Variants in STAT1 observed in about 807,000 individuals in gnomAD.
The protein encoded by STAT1 is signal transducer and activator of transcription 1, also known as signal transducer and activator of transcription 1-alpha/beta.
Under a neutral mutation model 111.7 loss-of-function variants are expected in STAT1, and 24 were observed. That is an observed-to-expected ratio of 0.21 (90% CI 0.16 to 0.30). STAT1 has a LOEUF of 0.30. Ranked by LOEUF, STAT1 falls within the 10% of genes least tolerant of loss-of-function variation. The pLI, the probability that STAT1 is intolerant of heterozygous loss-of-function variation, is 1.00. For missense variants in STAT1, 351 were observed against 911.9 expected (o/e 0.38, Z 7.92); for synonymous variants, 332 against 326.5 (o/e 1.02, Z -0.18).
intron 10 of STAT1, chr2:190,992,883 G>A: frequency 7.2e-6 from 2 of 277,352 alleles, no homozygotes; most frequent in Non-Finnish European, 1.3e-5. Flanking sequence ...TCCGCCACCT[G>A]GGTTCGAGCA....
chr2:191,010,262 TG>T, intron 2 of STAT1: 1 of 501,366 alleles, frequency 2.0e-6, no homozygotes, highest in Non-Finnish European at 3.9e-6. Context: ...CAGCCTTCTC[TG>T]GCCTCTTTTA....
rs1692299779 is a variant in STAT1, at chr2:190,980,587, A to G, written c.1632+33T>C. 1.9e-6 allele frequency: 3 copies of G among 1,610,802 alleles called. No homozygotes were observed. The highest frequency in any genetic ancestry group is 2.5e-6 in the Non-Finnish European group (3 of 1,176,918). ...AGAACCTCAACCAAGAGCAAAAAGG[A>G]CTTAGAGAGCATAAAACCCAGACAG... is the stretch of plus-strand genomic sequence containing the variant. On this transcript the variant is annotated intron_variant, in intron 19 of 24. Coordinates refer to ENST00000361099, the MANE Select transcript of STAT1 (RefSeq NM_007315.4). This position sits in a 1 kb window ranked among gnomAD's most constrained non-coding sequence, Gnocchi z 6.1.
rs1350067280 is a variant in STAT1, at chr2:190,977,195, ATAC to A, written c.1874-173_1874-171del. ...CTGCTTTATTTCTAAATAAATTATA[ATAC>A]TGTCTCAGGGAAAATAAAGGGAGGT... On this transcript the variant is annotated intron_variant, in intron 21 of 24. Coordinates refer to ENST00000361099, the MANE Select transcript of STAT1 (RefSeq NM_007315.4). The surrounding 1 kb of genome is among the most constrained non-coding windows in gnomAD (Gnocchi z 4.7). Among the ~76,000 whole-genome samples, 1 of 152,222 alleles carries A rather than the reference ATAC, an allele frequency of 6.6e-6. No homozygotes were observed. The highest frequency in any genetic ancestry group is 1.5e-5 in the Non-Finnish European group (1 of 68,048).
At position 191,006,273 on chromosome 2, in the gene STAT1, T is replaced by G. The variant is rs1694686822; in HGVS notation, c.372+1290A>C. Among the ~76,000 whole-genome samples, 1 of 152,208 alleles carries G rather than the reference T, an allele frequency of 6.6e-6. No homozygotes were observed. Among genetic ancestry groups the G allele is most frequent in the African/African-American group, 2.4e-5 (1 of 41,458 alleles). On this transcript the variant is annotated intron_variant, in intron 5 of 24. Transcript: ENST00000361099. This position sits in a 1 kb window ranked among gnomAD's most constrained non-coding sequence, Gnocchi z 4.6. ...GCCAGGTTAGAGACAGGCACACCTC[T>G]TTCAGAGGAGACAACCTGGCCAGCT...
Position 190,978,681 on chromosome 2 carries a change from C to T in STAT1, c.1873+175G>A. The T allele has an allele frequency of 1.2e-6, 1 of 807,324 alleles. No individual in the cohort carries two copies. Among genetic ancestry groups the T allele is most frequent in the Non-Finnish European group, 2.0e-6 (1 of 495,912 alleles). 50.0% of individuals were successfully genotyped at this position (807,324 alleles called of 1,614,324 possible). A position where few individuals can be genotyped will look rare whatever the true frequency, so the allele number is the denominator to read the frequency against. The stretch of plus-strand genomic sequence containing the variant: ...ACAATATGTTCCAGAGAGTGAACCA[C>T]AACCACAAACATTTGTGGTGGTTTA... On this transcript the variant is annotated intron_variant, in intron 21 of 24. Transcript: ENST00000361099. The surrounding 1 kb of genome is among the most constrained non-coding windows in gnomAD (Gnocchi z 6.1).
rs552688665 is a variant in STAT1, at chr2:190,999,312, C to T, written c.541+314G>A. On this transcript the variant is annotated intron_variant, in intron 7 of 24. Coordinates refer to ENST00000361099, the MANE Select transcript of STAT1 (RefSeq NM_007315.4). This position sits in a 1 kb window ranked among gnomAD's most constrained non-coding sequence, Gnocchi z 4.1. ...GTTATCAAGTAGGGGTCACTGACCC[C>T]TAGGGGACTTTTGGCAATCTCTGGA... is the stretch of plus-strand genomic sequence containing the variant. Among the ~76,000 whole-genome samples, 1 of 152,058 alleles carries T rather than the reference C, an allele frequency of 6.6e-6. No individual in the cohort carries two copies. Among genetic ancestry groups the T allele is most frequent in the Non-Finnish European group, 1.5e-5 (1 of 68,002 alleles).
chr2:191,004,337 A>C lies in STAT1; in HGVS notation c.373-3174T>G, dbSNP rs1694515550. On this transcript the variant is annotated intron_variant, in intron 5 of 24. Transcript: ENST00000361099. The surrounding 1 kb of genome is among the most constrained non-coding windows in gnomAD (Gnocchi z 5.0). Reference sequence around the variant, plus strand: ...TCATTGACTCTTACTTTCTCGTTTCACTACTGTACCTCTAGAGACCTTGTT... The same window carrying C: ...TCATTGACTCTTACTTTCTCGTTTCCCTACTGTACCTCTAGAGACCTTGTT... Among the ~76,000 whole-genome samples the C allele has an allele frequency of 6.6e-6, 1 of 152,154 alleles. No homozygotes were observed. Among genetic ancestry groups the C allele is most frequent in the Non-Finnish European group, 1.5e-5 (1 of 68,028 alleles).
chr2:190,990,760 G>T lies in STAT1; in HGVS notation c.1037+468C>A, dbSNP rs1473280640. Among the ~76,000 whole-genome samples, 1 of 152,188 alleles carries T rather than the reference G, an allele frequency of 6.6e-6. No individual in the cohort carries two copies. The highest frequency in any genetic ancestry group is 2.4e-5 in the African/African-American group (1 of 41,452). ...GAGGACAGACACTAGGCCATTTACT[G>T]TGGTGGTCCACAGATATTTATATCA... On this transcript the variant is annotated intron_variant, in intron 11 of 24. Coordinates refer to ENST00000361099, the MANE Select transcript of STAT1 (RefSeq NM_007315.4). This position sits in a 1 kb window ranked among gnomAD's most constrained non-coding sequence, Gnocchi z 5.1.
At position 190,982,339 on chromosome 2, in the gene STAT1, T is replaced by A; in HGVS notation, c.1582+44A>T. On this transcript the variant is annotated intron_variant, in intron 18 of 24. Transcript: ENST00000361099. This position sits in a 1 kb window ranked among gnomAD's most constrained non-coding sequence, Gnocchi z 7.3. Reference sequence around the variant, plus strand: ...AAGAGCAATTAGAGAGATATTTTTATGAATTTCAATTTTTATAAACATAAC... The same window carrying A: ...AAGAGCAATTAGAGAGATATTTTTAAGAATTTCAATTTTTATAAACATAAC... The A allele has an allele frequency of 6.2e-7, 1 of 1,609,440 alleles. No homozygotes were observed. The highest frequency in any genetic ancestry group is 8.5e-7 in the Non-Finnish European group (1 of 1,176,068).
Position 190,973,431 on chromosome 2 carries a change from G to A in STAT1, c.2238+1399C>T, listed in dbSNP as rs1459768893. 6.6e-6 allele frequency among the ~76,000 whole-genome samples: 1 copy of A among 152,144 alleles called. No individual in the cohort carries two copies. Among genetic ancestry groups the A allele is most frequent in the African/African-American group, 2.4e-5 (1 of 41,404 alleles). On this transcript the variant is annotated intron_variant, in intron 24 of 24. Coordinates refer to ENST00000361099, the MANE Select transcript of STAT1 (RefSeq NM_007315.4). This position sits in a 1 kb window ranked among gnomAD's most constrained non-coding sequence, Gnocchi z 4.4. Reference sequence around the variant, plus strand: ...CACCTAACTCAGAAGGTGGCTGTGAGGACTGAATGAGTTACTACCTGTGAA... The same window carrying A: ...CACCTAACTCAGAAGGTGGCTGTGAAGACTGAATGAGTTACTACCTGTGAA...
intron 4 of STAT1, among the ~76,000 whole-genome samples, chr2:191,008,391 C>G (rs930373017): frequency 2.6e-5 from 4 of 152,168 alleles, no homozygotes; most frequent in African/African-American, 9.7e-5. Flanking sequence ...GCTGGGAGTA[C>G]ATCTGAAGAA....
In STAT1 at chr2:190,975,055, A is replaced by G; in HGVS notation, c.2136-123T>C. 1 of 836,232 alleles carries G rather than the reference A, an allele frequency of 1.2e-6. No individual in the cohort carries two copies. 51.8% of individuals were successfully genotyped at this position (836,232 alleles called of 1,614,324 possible). On this transcript the variant is annotated intron_variant, in intron 23 of 24. Transcript: ENST00000361099. The surrounding 1 kb of genome is among the most constrained non-coding windows in gnomAD (Gnocchi z 5.9). ...TCACGTTATATTTTTATTTTGGGTA[A>G]GTGCATACACTTGTAAAATACATTT...
At position 190,984,635 on chromosome 2, in the gene STAT1, G is replaced by GA. The variant is rs1692650874; in HGVS notation, c.1264-243dup. On this transcript the variant is annotated intron_variant, in intron 15 of 24. Transcript: ENST00000361099. This position sits in a 1 kb window ranked among gnomAD's most constrained non-coding sequence, Gnocchi z 5.2. ...ATTCAGAGCAATGATTGTCAATGGG[G>GA]AAAGAGCAACTAATGGCTTTGTGAC... Among the ~76,000 whole-genome samples, 1 of 152,192 alleles carries GA rather than the reference G, an allele frequency of 6.6e-6. No homozygotes were observed. Among genetic ancestry groups the GA allele is most frequent in the Admixed American group, 6.5e-5 (1 of 15,284 alleles).
chr2:190,978,814 A>C lies in STAT1; in HGVS notation c.1873+42T>G. On this transcript the variant is annotated intron_variant, in intron 21 of 24. Transcript: ENST00000361099. The surrounding 1 kb of genome is among the most constrained non-coding windows in gnomAD (Gnocchi z 6.1). ...TGGCGGCGATGAAGAGGGACTTCAC[A>C]CACATGGAATGGTGGGACTATGTGC... 6.2e-7 allele frequency: 1 copy of C among 1,611,080 alleles called. No homozygotes were observed. The highest frequency in any genetic ancestry group is 8.5e-7 in the Non-Finnish European group (1 of 1,179,068).
intron 5 of STAT1, among the ~76,000 whole-genome samples, chr2:191,005,286 A>G (rs979281171): frequency 6.6e-6 from 1 of 152,196 alleles, no homozygotes; most frequent in African/African-American, 2.4e-5. Context: ...TTTGAAGCAA[A>G]TACCAGACAT....
rs971266341 is a variant in STAT1, at chr2:190,976,309, C to T, written c.2060-422G>A. On this transcript the variant is annotated intron_variant, in intron 22 of 24. Transcript: ENST00000361099. The surrounding 1 kb of genome is among the most constrained non-coding windows in gnomAD (Gnocchi z 6.0). ...TATTGAGATTTCTGATTCTGAAAAA[C>T]AGCTTTGTTGGTGTGTTCCAAACAA... 2.0e-5 allele frequency among the ~76,000 whole-genome samples: 3 copies of T among 152,192 alleles called. No homozygotes were observed. Among genetic ancestry groups the T allele is most frequent in the African/African-American group, 7.2e-5 (3 of 41,454 alleles).
chr2:190,992,707 C>T (rs964311341), intron 10 of STAT1: 8 of 1,264,884 alleles, frequency 6.3e-6, no homozygotes, highest in Non-Finnish European at 7.3e-6. Context: ...TTCTCAGCAC[C>T]ACCAGCTGTT....
At position 190,992,736 on chromosome 2, in the gene STAT1, T is replaced by G. The variant is rs1330705878; in HGVS notation, c.945-1416A>C. 4.0e-6 allele frequency: 4 copies of G among 1,009,630 alleles called. No homozygotes were observed. In the East Asian group the frequency reaches 1.2e-4, roughly 30 times the overall value. 62.5% of individuals were successfully genotyped at this position (1,009,630 alleles called of 1,614,324 possible). A position where few individuals can be genotyped will look rare whatever the true frequency, so the allele number is the denominator to read the frequency against. On this transcript the variant is annotated intron_variant, in intron 10 of 24. Transcript: ENST00000361099. ...AGCTGTTGCTCCAGGACCCATTAGC[T>G]TCTTAATCTCAGCTGCCATCATCAT...
rs899652755 is a variant in STAT1 at position 190,974,486 on chromosome 2, C to T, written c.2238+344G>A. On this transcript the variant is annotated intron_variant, in intron 24 of 24. Coordinates refer to ENST00000361099, the MANE Select transcript of STAT1 (RefSeq NM_007315.4). The surrounding 1 kb of genome is among the most constrained non-coding windows in gnomAD (Gnocchi z 4.8). ...CCTCCCCTAGACACAGTGATGAAAT[C>T]GCATTCCGAAGAAAAACATTTGCTT... 6.6e-6 allele frequency among the ~76,000 whole-genome samples: 1 copy of T among 152,220 alleles called. No homozygotes were observed. The highest frequency in any genetic ancestry group is 2.4e-5 in the African/African-American group (1 of 41,464).
Sources: allele counts gnomAD v4.1 joint callset (sites outside exome capture counted in the v4.1 genomes callset), GRCh38; gene constraint gnomAD v4.1.1; non-coding constraint Gnocchi (gnomAD v3.1); transcripts MANE v1.5; gene names NCBI Gene and HGNC (gene_info 2026-07-23, HGNC 2026-07-21).